Variants in PIK3AP1 observed in about 807,000 individuals in gnomAD.
The protein encoded by PIK3AP1 is phosphoinositide 3-kinase adapter protein 1.
Under a neutral mutation model 88.1 loss-of-function variants are expected in PIK3AP1, and 21 were observed. That is an observed-to-expected ratio of 0.24 (90% CI 0.17 to 0.34). The LOEUF (loss-of-function observed/expected upper bound fraction) is 0.34, where lower values mean the gene tolerates loss of function less well. Among genes scored for constraint, PIK3AP1 ranks in the 10% least tolerant of loss-of-function variants. The pLI is 1.00. For synonymous variants in PIK3AP1, 398 were observed against 400.0 expected, an observed-to-expected ratio of 1.00 and a Z score of 0.06; for missense variants, 828 against 1,035.7, an observed-to-expected ratio of 0.80 and a Z score of 2.75.
chr10:96,615,093 G>T (rs1015785316), intron 13 of PIK3AP1, among the ~76,000 whole-genome samples: 2 of 152,194 alleles, frequency 1.3e-5, no homozygotes, highest in African/African-American at 4.8e-5. Flanking sequence ...GGGCCTGAAG[G>T]TGAAGATGTG....
intron 8 of PIK3AP1, among the ~76,000 whole-genome samples, chr10:96,628,889 C>CATAT (rs745432871): frequency 0.24 from 14,159 of 58,886 alleles, 3,193 homozygotes; most frequent in East Asian, 0.33. Context: ...TATATATATA[C>CATAT]ATATATATAT....
At chr10:96,711,719 C>T (rs1283081912) in intron 1 of PIK3AP1, among the ~76,000 whole-genome samples, 1 of 148,224 alleles carries the variant, frequency 6.7e-6, no homozygotes. Context: ...TTCTGATTTC[C>T]CCCAGGATGA....
At chr10:96,709,325 C>G (rs1844407663) in intron 2 of PIK3AP1, among the ~76,000 whole-genome samples, 1 of 151,916 alleles carries the variant, frequency 6.6e-6, no homozygotes, top group Non-Finnish European at 1.5e-5. Flanking sequence ...ACAGAAAATT[C>G]TAGAAAGAAG....
intron 3 of PIK3AP1, among the ~76,000 whole-genome samples, chr10:96,655,568 T>C (rs1177349370): frequency 1.3e-5 from 2 of 152,202 alleles, no homozygotes; most frequent in Non-Finnish European, 2.9e-5. Context: ...GGTTTGGCTA[T>C]GTCCCCACCC....
intron 16 of PIK3AP1, among the ~76,000 whole-genome samples, chr10:96,599,298 A>G (rs1470481161): frequency 6.6e-6 from 1 of 152,094 alleles, no homozygotes; most frequent in East Asian, 1.9e-4. Flanking sequence ...GGGGTAGAGA[A>G]TGGTAGGTGG....
chr10:96,617,885 A>G (rs1357607836), intron 12 of PIK3AP1, among the ~76,000 whole-genome samples: 1 of 152,194 alleles, frequency 6.6e-6, no homozygotes, highest in East Asian at 1.9e-4. Context: ...GACAAAGCCA[A>G]CTGGGGCTGG....
At chr10:96,682,001 T>C (rs1342809969) in intron 2 of PIK3AP1, among the ~76,000 whole-genome samples, 5 of 106,342 alleles carry the variant, frequency 4.7e-5, no homozygotes, top group African/African-American at 2.4e-4. Flanking sequence ...TGTGTATATA[T>C]ATATATATAT....
chr10:96,653,863 A>T (rs542414812), intron 3 of PIK3AP1, among the ~76,000 whole-genome samples: 1 of 152,344 alleles, frequency 6.6e-6, no homozygotes, highest in South Asian at 2.1e-4. Flanking sequence ...GGTCCATTTC[A>T]GAATTGGACA....
chr10:96,617,428 C>T (rs1202226538), intron 12 of PIK3AP1, among the ~76,000 whole-genome samples: 1 of 152,138 alleles, frequency 6.6e-6, no homozygotes, highest in Non-Finnish European at 1.5e-5. Flanking sequence ...TGGGGAGTCA[C>T]AGGAGGCCAA....
At chr10:96,611,252 C>G (rs117720019) in intron 13 of PIK3AP1, among the ~76,000 whole-genome samples, 1,778 of 152,264 alleles carry the variant, frequency 0.012, 14 homozygotes, top group Middle Eastern at 0.061. Flanking sequence ...GTCCAAGTGT[C>G]CAACCAGCTT....
At chr10:96,627,052 C>A in intron 9 of PIK3AP1, 147 bp from the exon 10 acceptor site, 3 of 713,228 alleles carry the variant, frequency 4.2e-6, no homozygotes, top group Non-Finnish European at 4.8e-6. Context: ...CCTGTATCGT[C>A]TGCTCAGAAC....
chr10:96,662,606 C>T (rs879667405), intron 2 of PIK3AP1, among the ~76,000 whole-genome samples: 4 of 150,486 alleles, frequency 2.7e-5, no homozygotes, highest in Non-Finnish European at 4.4e-5. Flanking sequence ...TCCGGCCGGG[C>T]GCGGTGGCTC....
chr10:96,621,934 A>G (rs1717490740), intron 11 of PIK3AP1, among the ~76,000 whole-genome samples: 1 of 152,196 alleles, frequency 6.6e-6, no homozygotes, highest in African/African-American at 2.4e-5. Context: ...ATATTGCCAA[A>G]TGTTCTTTAG....
intron 2 of PIK3AP1, among the ~76,000 whole-genome samples, chr10:96,698,745 T>C (rs1430274888): frequency 6.6e-6 from 1 of 151,560 alleles, no homozygotes; most frequent in Non-Finnish European, 1.5e-5. Flanking sequence ...AATAAATAAA[T>C]AAATAAATAA....
At chr10:96,686,556 C>T (rs75444500) in intron 2 of PIK3AP1, among the ~76,000 whole-genome samples, 6,417 of 152,218 alleles carry the variant, frequency 0.042, 297 homozygotes, top group African/African-American at 0.12. Context: ...AAAAAAGATA[C>T]AGATTTTCCC....
chr10:96,707,150 A>G (rs1263285111), intron 2 of PIK3AP1, among the ~76,000 whole-genome samples: 1 of 152,254 alleles, frequency 6.6e-6, no homozygotes, highest in Non-Finnish European at 1.5e-5. Context: ...AAAGGCTCAT[A>G]GCATACTGAA....
At chr10:96,613,908 C>G (rs939906897) in intron 13 of PIK3AP1, among the ~76,000 whole-genome samples, 1 of 152,190 alleles carries the variant, frequency 6.6e-6, no homozygotes, top group African/African-American at 2.4e-5. Context: ...GGCACTTTCA[C>G]TTTTACCATT....
chr10:96,677,172 G>A (rs1843934316), intron 2 of PIK3AP1, among the ~76,000 whole-genome samples: 1 of 152,138 alleles, frequency 6.6e-6, no homozygotes, highest in Non-Finnish European at 1.5e-5. Context: ...CATCATCAGG[G>A]AGAAACACCG....
At chr10:96,682,173 T>G (rs749801438) in intron 2 of PIK3AP1, among the ~76,000 whole-genome samples, 1 of 152,198 alleles carries the variant, frequency 6.6e-6, no homozygotes, top group Non-Finnish European at 1.5e-5. Flanking sequence ...GTGTCCCTTC[T>G]TAGATTAAAT....
Sources: allele counts gnomAD v4.1 joint callset (sites outside exome capture counted in the v4.1 genomes callset), GRCh38; gene constraint gnomAD v4.1.1; transcripts MANE v1.5; gene names NCBI Gene and HGNC (gene_info 2026-07-23, HGNC 2026-07-21).